The following ATP6V0A2 variants were observed in gnomAD, a reference collection of about 807,000 sequenced individuals.
The protein encoded by ATP6V0A2 is V-type proton ATPase 116 kDa subunit a 2.
A neutral mutation model predicts 104.4 loss-of-function variants in ATP6V0A2; 58 were observed. The observed-to-expected ratio is 0.56, with a 90% CI of 0.45 to 0.69. The LOEUF (loss-of-function observed/expected upper bound fraction) is 0.69. Ranked by LOEUF, ATP6V0A2 falls within the 30% of genes least tolerant of loss-of-function variation. The probability of loss-of-function intolerance (pLI) is 0.00; values close to 1 mark genes in which losing one functional copy is unlikely to be tolerated. For synonymous variants in ATP6V0A2, 376 were observed against 397.9 expected, an observed-to-expected ratio of 0.95 and a Z score of 0.65; for missense variants, 938 against 1,062.9, an observed-to-expected ratio of 0.88 and a Z score of 1.63.
In ATP6V0A2 at chr12:123,761,417, C is replaced by T. The variant is rs1042677065; in HGVS notation, c.*3385C>T. On this transcript the variant is annotated 3_prime_UTR_variant, in exon 20 of 20. Coordinates refer to ENST00000330342, the MANE Select transcript of ATP6V0A2 (RefSeq NM_012463.4). The stretch of plus-strand genomic sequence containing the variant: ...TGCTTGCGTGCCACAGGGAATATAT[C>T]CAGGAAGGTTATTATGAAGCTGTCA... The T allele has an allele frequency of 1.3e-5, 2 of 152,170 alleles. No individual in the cohort carries two copies. The highest frequency in any genetic ancestry group is 4.8e-5 in the African/African-American group (2 of 41,442). The allele number at this position is 152,170 out of a possible 1,614,324, so 9.4% of individuals were successfully genotyped here. A position where few individuals can be genotyped will look rare whatever the true frequency, so the allele number is the denominator to read the frequency against.
intron 9 of ATP6V0A2, among the ~76,000 whole-genome samples, chr12:123,742,006 T>C (rs1426111277): frequency 6.6e-6 from 1 of 152,194 alleles, no homozygotes; most frequent in East Asian, 1.9e-4. Context: ...CTGTCTTTTC[T>C]CTTTCGTTCC....
intron 2 of ATP6V0A2, among the ~76,000 whole-genome samples, chr12:123,721,929 A>G (rs1453448733): frequency 6.6e-6 from 1 of 152,208 alleles, no homozygotes; most frequent in Non-Finnish European, 1.5e-5. Context: ...TTGTAGGTCT[A>G]TCACTTGGGT....
chr12:123,744,707 C>T lies in ATP6V0A2; in HGVS notation c.1437C>T (p.Phe479=), dbSNP rs199966807. 12 of 1,614,038 alleles carry T rather than the reference C, an allele frequency of 7.4e-6. No homozygotes were observed. Among genetic ancestry groups the T allele is most frequent in the South Asian group, 4.4e-5 (4 of 91,076 alleles). ...NDCFSKSVNL[F]GSGWNVSAMY... ...GCTTTTCAAAGTCAGTCAACCTGTT[C>T]GGCTCTGGGTGGAACGTGTCGGCCA... is the stretch of plus-strand genomic sequence containing the variant. Residue 479 remains phenylalanine, a synonymous_variant, in exon 12 of 20, where the codon TTC becomes TTT. Coordinates refer to ENST00000330342, the MANE Select transcript of ATP6V0A2 (RefSeq NM_012463.4). The surrounding 1 kb of genome is among the most constrained non-coding windows in gnomAD (Gnocchi z 5.4).
chr12:123,719,629 C>T (rs112918683), intron 2 of ATP6V0A2, among the ~76,000 whole-genome samples: 6,616 of 151,350 alleles, frequency 0.044, 422 homozygotes, highest in African/African-American at 0.14. Context: ...AGGGACAAAC[C>T]GCCCCAAAAA....
At chr12:123,717,364 G>C (rs1302846443) in intron 1 of ATP6V0A2, among the ~76,000 whole-genome samples, 1 of 149,566 alleles carries the variant, frequency 6.7e-6, no homozygotes, top group African/African-American at 2.4e-5. Flanking sequence ...TGTTGCATGG[G>C]TCAGTAGTTC....
At chr12:123,743,255 C>T (rs936329047) in intron 9 of ATP6V0A2, among the ~76,000 whole-genome samples, 1 of 152,196 alleles carries the variant, frequency 6.6e-6, no homozygotes, top group Non-Finnish European at 1.5e-5. Context: ...CTTGCCACCC[C>T]CTGATTCCTC....
At chr12:123,719,966 C>G (rs1410957908) in intron 2 of ATP6V0A2, among the ~76,000 whole-genome samples, 1 of 152,162 alleles carries the variant, frequency 6.6e-6, no homozygotes, top group Non-Finnish European at 1.5e-5. Context: ...ATAAACCCCT[C>G]ATTTTGTAAG....
intron 9 of ATP6V0A2, among the ~76,000 whole-genome samples, chr12:123,742,826 A>G (rs1431657781): frequency 6.6e-6 from 1 of 150,960 alleles, no homozygotes; most frequent in Non-Finnish European, 1.5e-5. Flanking sequence ...ACAGAGCGAG[A>G]CTCCTTCTTT....
intron 1 of ATP6V0A2, 57 bp from the exon 2 acceptor site, chr12:123,718,566 C>T: frequency 1.5e-6 from 2 of 1,310,346 alleles, no homozygotes; most frequent in Admixed American, 1.7e-5. Context: ...TTATTTTTTA[C>T]ATAAAAGTAT....
intron 16 of ATP6V0A2, 148 bp from the exon 17 acceptor site, chr12:123,752,135 C>T: frequency 1.1e-6 from 1 of 931,098 alleles, no homozygotes; most frequent in Non-Finnish European, 1.6e-6. Context: ...GCTGTGATTA[C>T]AGGTGTGAGC....
At chr12:123,728,779 T>G (rs1209141114) in intron 6 of ATP6V0A2, among the ~76,000 whole-genome samples, 1 of 152,364 alleles carries the variant, frequency 6.6e-6, no homozygotes, top group South Asian at 2.1e-4. Flanking sequence ...GCTCCATTAC[T>G]GGTCGTGGTC....
intron 9 of ATP6V0A2, among the ~76,000 whole-genome samples, chr12:123,738,792 T>G (rs1215690495): frequency 1.3e-5 from 2 of 152,250 alleles, no homozygotes; most frequent in Non-Finnish European, 2.9e-5. Context: ...ATATTTCAAG[T>G]GACAGTTAAG....
intron 5 of ATP6V0A2, 149 bp downstream of exon 5, chr12:123,726,434 T>C: frequency 1.5e-6 from 1 of 661,994 alleles, no homozygotes; most frequent in Non-Finnish European, 2.7e-6. Context: ...ACTGTATTCC[T>C]GTACTTGTTG....
At position 123,757,984 on chromosome 12, in the gene ATP6V0A2, A is replaced by G. The variant is rs1482027729; in HGVS notation, c.2523A>G (p.Ser841=). 1.2e-6 allele frequency: 2 copies of G among 1,612,000 alleles called. No individual in the cohort carries two copies. Among genetic ancestry groups the G allele is most frequent in the Non-Finnish European group, 1.7e-6 (2 of 1,179,736 alleles). Residue 841 remains serine (S), a synonymous_variant, in exon 20 of 20, where the codon TCA becomes TCG. Coordinates refer to ENST00000330342, the MANE Select transcript of ATP6V0A2 (RefSeq NM_012463.4). ...VGAGTKFVPF[S]FSLLSSKFNN... Reference sequence around the variant, plus strand: ...CAGGCACCAAATTTGTTCCTTTCTCATTCAGTCTACTTTCATCAAAGTTCA... The same window carrying G: ...CAGGCACCAAATTTGTTCCTTTCTCGTTCAGTCTACTTTCATCAAAGTTCA...
Position 123,744,782 on chromosome 12 carries a change from G to A in ATP6V0A2, c.1512G>A (p.Trp504Ter). The A allele has an allele frequency of 1.9e-6, 3 of 1,614,152 alleles. No individual in the cohort carries two copies. Among genetic ancestry groups the A allele is most frequent in the Non-Finnish European group, 2.5e-6 (3 of 1,180,026 alleles). ...CAGAGCATAAGAAGATGGTGCTTTG[G>A]AAGTAAGTGTCCCATAGCTGGTGAT... ...PPAEHKKMVL[W>*]NDSVVRHNSI... The change falls in exon 12 of 20, where the codon TGG becomes TGA. Residue 504 changes from tryptophan (W) to a stop codon, truncating the protein, a stop_gained and splice_region_variant. Transcript: ENST00000330342. LOFTEE classifies it high-confidence loss of function. This position sits in a 1 kb window ranked among gnomAD's most constrained non-coding sequence, Gnocchi z 5.4.
At chr12:123,752,209 A>G in intron 16 of ATP6V0A2, 74 bp from the exon 17 acceptor site, 1 of 1,591,926 alleles carries the variant, frequency 6.3e-7, no homozygotes, top group South Asian at 1.1e-5. Context: ...AGAAACAAAG[A>G]AACTATACAA....
At chr12:123,722,300 A>G (rs754011355) in intron 2 of ATP6V0A2, 51 bp from the exon 3 acceptor site, 11 of 1,128,420 alleles carry the variant, frequency 9.7e-6, no homozygotes, top group Admixed American at 1.7e-5. Context: ...TCTGACTGAA[A>G]TGTATTATAG....
In ATP6V0A2 at chr12:123,751,398, T is replaced by C. The variant is rs148625302; in HGVS notation, c.2055+169T>C. Among the ~76,000 whole-genome samples the C allele has an allele frequency of 2.5e-3, 375 of 152,264 alleles. 2 individuals carry two copies. Among genetic ancestry groups the C allele is most frequent in the African/African-American group, 8.6e-3 (359 of 41,562 alleles). On this transcript the variant is annotated intron_variant, in intron 16 of 19. Transcript: ENST00000330342. ...GGCTGGGTGTGGTGGCTCACACCTA[T>C]AATCCCAGCACTTTGGGAGGCCAAA...
intron 6 of ATP6V0A2, chr12:123,731,988 G>A (rs2333840): frequency 0.66 from 101,025 of 151,974 alleles, 33,915 homozygotes; most frequent in East Asian, 0.95. Flanking sequence ...CCCCAAATGT[G>A]TATATCCCTA....
Sources: gnomAD v4.1 joint callset for allele counts (sites outside exome capture counted in the v4.1 genomes callset) on GRCh38, gnomAD v4.1.1 for gene constraint, Gnocchi (gnomAD v3.1) non-coding constraint, MANE v1.5 for transcripts, NCBI Gene and HGNC (gene_info 2026-07-23, HGNC 2026-07-21) for gene names.